The following SH2D7 variants were observed in gnomAD, a reference collection of about 807,000 sequenced individuals.
SH2D7 encodes the protein SH2 domain containing 7, also known as SH2 domain-containing protein 7.
In SH2D7, 32 loss-of-function variants were observed where a neutral mutation model predicts 40.8. The observed-to-expected ratio is 0.78, with a 90% CI of 0.59 to 1.05. The LOEUF (loss-of-function observed/expected upper bound fraction) is 1.05. Among genes scored for constraint, SH2D7 ranks in the 50% least tolerant of loss-of-function variants. The pLI, the probability that SH2D7 is intolerant of heterozygous loss-of-function variation, is 0.00. For missense variants in SH2D7, 559 were observed against 566.6 expected (o/e 0.99, Z 0.14); for synonymous variants, 195 against 221.5 (o/e 0.88, Z 1.06).
chr15:78,091,899 C>T (rs570816081), upstream of SH2D7, among the ~76,000 whole-genome samples: 18 of 152,342 alleles, frequency 1.2e-4, no homozygotes, highest in South Asian at 2.9e-3. Context: ...AGGCTGACCC[C>T]GACCCCTGAC....
In SH2D7 at chr15:78,101,339, G is replaced by T. The variant is rs780643825; in HGVS notation, c.1086G>T (p.Glu362Asp). 1.4e-5 allele frequency: 23 copies of T among 1,613,378 alleles called. No homozygotes were observed. The highest frequency in any genetic ancestry group is 1.9e-5 in the Non-Finnish European group (23 of 1,179,706). The change falls in exon 5 of 6, where the codon GAG becomes GAT. Residue 362 changes from glutamate (E) to aspartate (D), a missense_variant. Transcript: ENST00000328828. ...EFIGTEGLLQEARDTPDQEGS... is the reference protein window; with the variant it reads ...EFIGTEGLLQDARDTPDQEGS... The stretch of plus-strand genomic sequence containing the variant: ...TCGGGACAGAAGGCCTCCTGCAAGA[G>T]GCCAGGGACACACCAGACCAAGAAG...
At chr15:78,102,418 T>C (rs759420416) in intron 5 of SH2D7, among the ~76,000 whole-genome samples, 6 of 152,194 alleles carry the variant, frequency 3.9e-5, no homozygotes, top group Non-Finnish European at 8.8e-5. Context: ...AATGGGCTGA[T>C]CCTCTGCTTG....
At chr15:78,090,687 C>T (rs12903461), upstream of SH2D7, among the ~76,000 whole-genome samples, 40,123 of 151,848 alleles carry the variant, frequency 0.26, 6,031 homozygotes, top group Middle Eastern at 0.36. Context: ...ATCCTAGTCA[C>T]TATGTTATTC....
intron 2 of SH2D7, among the ~76,000 whole-genome samples, chr15:78,097,472 G>A (rs1026445274): frequency 1.3e-5 from 2 of 152,240 alleles, no homozygotes; most frequent in Non-Finnish European, 2.9e-5. Context: ...GGGGAGTAGG[G>A]TGAGGTTGAG....
intron 4 of SH2D7, among the ~76,000 whole-genome samples, chr15:78,100,478 A>C (rs1313401167): frequency 1.3e-5 from 2 of 152,112 alleles, no homozygotes; most frequent in East Asian, 3.9e-4. Flanking sequence ...CGGGTGGATC[A>C]CCTGAGGTCA....
chr15:78,094,330 C>T (rs1211676419), intron 2 of SH2D7, 129 bp downstream of exon 2: 2 of 755,740 alleles, frequency 2.6e-6, no homozygotes, highest in African/African-American at 3.5e-5. Flanking sequence ...ATCCCTCAAT[C>T]ATCCATCACA....
Position 78,100,981 on chromosome 15 carries a change from A to C in SH2D7, c.728A>C (p.Tyr243Ser), listed in dbSNP as rs1033712537. ...TTTGGAGGCCCCAGTGACATCATCT[A>C]TGCAGACCTGAGGAGGATGAACCAG... ...ESFGGPSDII[Y>S]ADLRRMNQAR... The change falls in exon 5 of 6, where the codon TAT becomes TCT. Residue 243 changes from tyrosine to serine, a missense_variant. Transcript: ENST00000328828. 1.2e-6 allele frequency: 2 copies of C among 1,613,858 alleles called. No homozygotes were observed. The highest frequency in any genetic ancestry group is 1.7e-6 in the Non-Finnish European group (2 of 1,179,888).
intron 4 of SH2D7, 32 bp from the exon 5 acceptor site, chr15:78,100,867 C>G: frequency 6.2e-7 from 1 of 1,603,594 alleles, no homozygotes; most frequent in Non-Finnish European, 8.5e-7. Flanking sequence ...ATGGGCTGCC[C>G]CTTAAGAGTT....
chr15:78,100,362 G>C (rs1369684008), intron 4 of SH2D7, among the ~76,000 whole-genome samples: 1 of 152,202 alleles, frequency 6.6e-6, no homozygotes, highest in Non-Finnish European at 1.5e-5. Context: ...GGAAAGTTGG[G>C]TGGGAGTGCT....
At chr15:78,093,979 G>T in intron 1 of SH2D7, 133 bp from the exon 2 acceptor site, 1 of 762,302 alleles carries the variant, frequency 1.3e-6, no homozygotes, top group South Asian at 1.8e-5. Flanking sequence ...AGGTCTGAGT[G>T]GCTCCTCTAT....
At chr15:78,091,514 G>A (rs2073940587), upstream of SH2D7, among the ~76,000 whole-genome samples, 1 of 152,168 alleles carries the variant, frequency 6.6e-6, no homozygotes, top group Non-Finnish European at 1.5e-5. Flanking sequence ...GTGTGTGGTG[G>A]AAGTGGGAGT....
Position 78,092,578 on chromosome 15 carries a change from TGCCA to T in SH2D7, c.-4_-1del. 1.3e-6 allele frequency: 2 copies of T among 1,544,680 alleles called. No individual in the cohort carries two copies. Among genetic ancestry groups the T allele is most frequent in the South Asian group, 2.4e-5 (2 of 83,960 alleles). ...TGCGCTCTGCTTCCACTCTGGTGCC[TGCCA>T]GCATGGAGGACAGCCTAAAGCAGCT... On this transcript the variant is annotated 5_prime_UTR_variant, in exon 1 of 6. Transcript: ENST00000328828.
intron 2 of SH2D7, 131 bp from the exon 3 acceptor site, chr15:78,097,798 A>T: frequency 8.6e-7 from 1 of 1,157,334 alleles, no homozygotes; most frequent in Non-Finnish European, 1.2e-6. Context: ...CAGTGGCCCC[A>T]GGTCAGGCAG....
intron 4 of SH2D7, 54 bp downstream of exon 4, chr15:78,098,650 G>A (rs1484745187): frequency 1.9e-5 from 30 of 1,564,264 alleles, no homozygotes; most frequent in African/African-American, 4.1e-5. Flanking sequence ...AGGGATGTGG[G>A]TGCCATGCTC....
upstream of SH2D7, among the ~76,000 whole-genome samples, chr15:78,090,742 C>T (rs1372523164): frequency 1.3e-5 from 2 of 152,094 alleles, no homozygotes; most frequent in Non-Finnish European, 2.9e-5. Context: ...TTCCTAACAG[C>T]AGGACAAGTT....
At position 78,098,013 on chromosome 15, in the gene SH2D7, C is replaced by A; in HGVS notation, c.351C>A (p.Ser117Arg). The change falls in exon 3 of 6, where the codon AGC (serine) becomes AGA (arginine). Residue 117 changes from serine to arginine, a missense_variant. Transcript: ENST00000328828. Reference sequence around the variant, plus strand: ...TCTCAGGAGACACCCAGAGCCACAGCACCCTGGCTGAGCTTGTGCACCATT... The same window carrying A: ...TCTCAGGAGACACCCAGAGCCACAGAACCCTGGCTGAGCTTGTGCACCATT... ...YIISGDTQSH[S>R]TLAELVHHYQ... The A allele has an allele frequency of 1.2e-6, 2 of 1,614,024 alleles. No individual in the cohort carries two copies. The highest frequency in any genetic ancestry group is 8.5e-7 in the Non-Finnish European group (1 of 1,179,886).
Position 78,094,183 on chromosome 15 carries a change from GCTACAT to G in SH2D7, c.251_256del (p.Tyr84_Ile85del), listed in dbSNP as rs1470440360. The G allele has an allele frequency of 6.2e-7, 1 of 1,609,546 alleles. No individual in the cohort carries two copies. The highest frequency in any genetic ancestry group is 8.5e-7 in the Non-Finnish European group (1 of 1,178,064). Reference sequence around the variant, plus strand: ...ATCCGCCTCAGTGACCGAGCCACTGGCTACATCTTGTCCTACAGGTAAGAGGGGAAG... The same window carrying G: ...ATCCGCCTCAGTGACCGAGCCACTGGCTTGTCCTACAGGTAAGAGGGGAAG... On this transcript the variant is annotated inframe_deletion, in exon 2 of 6. Transcript: ENST00000328828.
intron 5 of SH2D7, among the ~76,000 whole-genome samples, chr15:78,102,884 G>C (rs1013084170): frequency 6.6e-6 from 1 of 152,072 alleles, no homozygotes; most frequent in African/African-American, 2.4e-5. Flanking sequence ...AGGCACACGC[G>C]GATCTTCCTG....
At chr15:78,098,307 C>A in intron 3 of SH2D7, 77 bp from the exon 4 acceptor site, 3 of 1,546,456 alleles carry the variant, frequency 1.9e-6, no homozygotes, top group Admixed American at 1.8e-5. Flanking sequence ...CAGTCTCTTA[C>A]CAGCAGTCTC....
Sources: allele counts gnomAD v4.1 joint callset (sites outside exome capture counted in the v4.1 genomes callset), GRCh38; gene constraint gnomAD v4.1.1; transcripts MANE v1.5; gene names NCBI Gene and HGNC (gene_info 2026-07-23, HGNC 2026-07-21).